LHFPL3: variants seen among roughly 807,000 people sequenced by gnomAD.
LHFPL3 encodes LHFPL tetraspan subfamily member 3 protein.
A neutral mutation model predicts 19.3 loss-of-function variants in LHFPL3; 5 were observed. That is an observed-to-expected ratio of 0.26 (90% CI 0.14 to 0.54). The LOEUF (loss-of-function observed/expected upper bound fraction) is 0.54, where lower values mean the gene tolerates loss of function less well. LHFPL3 is among the 20% of genes least tolerant of loss of function. The pLI, the probability that LHFPL3 is intolerant of heterozygous loss-of-function variation, is 0.94. For synonymous variants in LHFPL3, 133 were observed against 126.2 expected, an observed-to-expected ratio of 1.05 and a Z score of -0.36; for missense variants, 249 against 307.4, an observed-to-expected ratio of 0.81 and a Z score of 1.42.
intron 2 of LHFPL3, among the ~76,000 whole-genome samples, chr7:104,762,968 T>C (rs1794401282): frequency 6.6e-6 from 1 of 152,116 alleles, no homozygotes; most frequent in African/African-American, 2.4e-5. Flanking sequence ...CCCTTCGTGG[T>C]GGCAAAAGTC....
At chr7:104,822,848 A>AG (rs1769053708) in intron 2 of LHFPL3, among the ~76,000 whole-genome samples, 1 of 152,154 alleles carries the variant, frequency 6.6e-6, no homozygotes, top group Admixed American at 6.5e-5. Flanking sequence ...GTTAAAAAAA[A>AG]GGGGGCAGTG....
chr7:104,651,628 A>G (rs1440171447), intron 1 of LHFPL3, among the ~76,000 whole-genome samples: 4 of 152,244 alleles, frequency 2.6e-5, no homozygotes, highest in Non-Finnish European at 4.4e-5. Context: ...ATAAAAGCAT[A>G]CAATAGAAGT....
At chr7:104,798,811 T>A (rs982181352) in intron 2 of LHFPL3, among the ~76,000 whole-genome samples, 1 of 152,228 alleles carries the variant, frequency 6.6e-6, no homozygotes, top group Non-Finnish European at 1.5e-5. Flanking sequence ...ACATCTTCTT[T>A]AAAGAACATT....
chr7:104,368,170 T>C (rs1355837583), intron 1 of LHFPL3, among the ~76,000 whole-genome samples: 1 of 152,242 alleles, frequency 6.6e-6, no homozygotes, highest in Non-Finnish European at 1.5e-5. Flanking sequence ...AGGGCTGAAT[T>C]AGGAGCCCTT....
intron 2 of LHFPL3, among the ~76,000 whole-genome samples, chr7:104,780,339 C>T (rs1483130482): frequency 2.6e-5 from 4 of 152,148 alleles, no homozygotes; most frequent in Non-Finnish European, 5.9e-5. Flanking sequence ...AGCATATCCC[C>T]GTAAGTCCTC....
chr7:104,336,981 G>T (rs192706350), intron 1 of LHFPL3, among the ~76,000 whole-genome samples: 3 of 152,124 alleles, frequency 2.0e-5, no homozygotes, highest in Admixed American at 2.0e-4. Context: ...TTTTGAAGGG[G>T]ATTCAACTTT....
chr7:104,430,380 A>G (rs1403559047), intron 1 of LHFPL3, among the ~76,000 whole-genome samples: 1 of 47,638 alleles, frequency 2.1e-5, no homozygotes, highest in Non-Finnish European at 3.3e-5. Flanking sequence ...GTATATATAT[A>G]TACATATATA....
At chr7:104,529,373 T>C (rs1562926803) in intron 1 of LHFPL3, among the ~76,000 whole-genome samples, 1 of 152,156 alleles carries the variant, frequency 6.6e-6, no homozygotes, top group Admixed American at 6.6e-5. Flanking sequence ...CACGAGGAAT[T>C]ATTTCCAGTT....
intron 1 of LHFPL3, among the ~76,000 whole-genome samples, chr7:104,434,980 G>A (rs1026873107): frequency 6.6e-6 from 1 of 151,738 alleles, no homozygotes; most frequent in Non-Finnish European, 1.5e-5. Context: ...GTATATTAAG[G>A]GTTTATTAAG....
intron 2 of LHFPL3, among the ~76,000 whole-genome samples, chr7:104,767,563 A>G (rs1056416069): frequency 2.0e-5 from 3 of 152,234 alleles, no homozygotes; most frequent in Non-Finnish European, 4.4e-5. Flanking sequence ...CTTCTTTTAT[A>G]AAAGTATTCT....
chr7:104,393,951 G>A (rs1490175029), intron 1 of LHFPL3, among the ~76,000 whole-genome samples: 1 of 152,128 alleles, frequency 6.6e-6, no homozygotes, highest in African/African-American at 2.4e-5. Context: ...GAGGGTAGGA[G>A]GAGTGGGAAA....
intron 1 of LHFPL3, among the ~76,000 whole-genome samples, chr7:104,531,259 C>T (rs937292002): frequency 2.0e-5 from 3 of 152,216 alleles, no homozygotes; most frequent in African/African-American, 7.2e-5. Flanking sequence ...GATCAGCTCA[C>T]TTCGTCAGCT....
chr7:104,627,756 CTG>C (rs1791573747), intron 1 of LHFPL3, among the ~76,000 whole-genome samples: 1 of 152,172 alleles, frequency 6.6e-6, no homozygotes. Flanking sequence ...TCCTTGCACA[CTG>C]TAGCTGCTGT....
chr7:104,492,778 C>A (rs1793383218), intron 1 of LHFPL3, among the ~76,000 whole-genome samples: 1 of 152,188 alleles, frequency 6.6e-6, no homozygotes, highest in Admixed American at 6.5e-5. Context: ...TTAACCCACC[C>A]TCTCTCCTTT....
chr7:104,486,673 G>C (rs549613305), intron 1 of LHFPL3, among the ~76,000 whole-genome samples: 1 of 152,184 alleles, frequency 6.6e-6, no homozygotes, highest in Non-Finnish European at 1.5e-5. Flanking sequence ...ATTGCAGTTA[G>C]TAAGCAATTT....
At chr7:104,823,839 A>G (rs1341373009) in intron 2 of LHFPL3, among the ~76,000 whole-genome samples, 2 of 152,014 alleles carry the variant, frequency 1.3e-5, no homozygotes, top group Admixed American at 1.3e-4. Context: ...CTAATAAACT[A>G]TTCAAAAAAG....
intron 2 of LHFPL3, among the ~76,000 whole-genome samples, chr7:104,824,516 ATAT>A (rs1790769319): frequency 6.5e-5 from 4 of 61,130 alleles, no homozygotes; most frequent in Admixed American, 3.2e-4. Context: ...TATTTTATAT[ATAT>A]TATTTTATAT....
intron 1 of LHFPL3, among the ~76,000 whole-genome samples, chr7:104,681,028 A>G (rs986237736): frequency 6.6e-6 from 1 of 152,132 alleles, no homozygotes; most frequent in African/African-American, 2.4e-5. Flanking sequence ...ATTTGAACAG[A>G]TTGTGTTAAA....
At chr7:104,709,258 C>T (rs1584490937) in intron 1 of LHFPL3, among the ~76,000 whole-genome samples, 2 of 144,674 alleles carry the variant, frequency 1.4e-5, no homozygotes, top group Non-Finnish European at 3.0e-5. Flanking sequence ...ATTTATTGAT[C>T]ATTCTTGGGT....
Sources: allele counts gnomAD v4.1 joint callset (sites outside exome capture counted in the v4.1 genomes callset), GRCh38; gene constraint gnomAD v4.1.1; transcripts MANE v1.5; gene names NCBI Gene and HGNC (gene_info 2026-07-23, HGNC 2026-07-21).